The following EPB41L2 variants were observed in gnomAD, a reference collection of about 807,000 sequenced individuals.
EPB41L2 encodes band 4.1-like protein 2.
Under a neutral mutation model 113.0 loss-of-function variants are expected in EPB41L2, and 43 were observed. That is an observed-to-expected ratio of 0.38 (90% CI 0.30 to 0.49). The LOEUF (loss-of-function observed/expected upper bound fraction) is 0.49. EPB41L2 is among the 20% of genes least tolerant of loss of function. The probability of loss-of-function intolerance (pLI) is 0.95; values close to 1 mark genes in which losing one functional copy is unlikely to be tolerated. For missense variants in EPB41L2, 1,147 were observed against 1,223.4 expected (o/e 0.94, Z 0.93); for synonymous variants, 442 against 436.7 (o/e 1.01, Z -0.15).
At chr6:131,052,262 A>T (rs1441299660) in intron 1 of EPB41L2, among the ~76,000 whole-genome samples, 1 of 152,132 alleles carries the variant, frequency 6.6e-6, no homozygotes, top group African/African-American at 2.4e-5. Flanking sequence ...AATGGCCAAG[A>T]TCCAAAAACA....
chr6:130,945,009 A>G (rs149515571), intron 3 of EPB41L2, among the ~76,000 whole-genome samples: 1 of 152,338 alleles, frequency 6.6e-6, no homozygotes, highest in African/African-American at 2.4e-5. Flanking sequence ...GTTTTAAGCT[A>G]AAAGGATAAA....
At chr6:130,920,206 A>G (rs1209210269) in intron 4 of EPB41L2, among the ~76,000 whole-genome samples, 1 of 152,214 alleles carries the variant, frequency 6.6e-6, no homozygotes, top group African/African-American at 2.4e-5. Context: ...ACCACTGTGC[A>G]ATATGATAGC....
intron 8 of EPB41L2, among the ~76,000 whole-genome samples, chr6:130,899,132 G>A (rs1351144140): frequency 6.6e-6 from 1 of 151,868 alleles, no homozygotes. Context: ...CCTCTCCCAA[G>A]ACAGAGGTGG....
chr6:131,060,175 T>C (rs958641428), intron 1 of EPB41L2, among the ~76,000 whole-genome samples: 1 of 152,402 alleles, frequency 6.6e-6, no homozygotes, highest in Admixed American at 6.5e-5. Context: ...TTTGTATTTT[T>C]AGTAGAGACA....
At chr6:130,997,261 A>G (rs1392743973) in intron 1 of EPB41L2, among the ~76,000 whole-genome samples, 1 of 152,232 alleles carries the variant, frequency 6.6e-6, no homozygotes, top group Non-Finnish European at 1.5e-5. Flanking sequence ...GATTAAAGCC[A>G]CTTAGCAAAT....
intron 1 of EPB41L2, among the ~76,000 whole-genome samples, chr6:131,034,465 G>A (rs542304174): frequency 1.3e-5 from 2 of 152,230 alleles, no homozygotes; most frequent in Non-Finnish European, 2.9e-5. Context: ...AAAATTAGCC[G>A]GGGCTACAGT....
At chr6:131,006,553 C>G (rs1785577614) in intron 1 of EPB41L2, among the ~76,000 whole-genome samples, 1 of 151,406 alleles carries the variant, frequency 6.6e-6, no homozygotes, top group Non-Finnish European at 1.5e-5. Context: ...GCCTGTATTT[C>G]CAGCTACTCA....
chr6:130,972,548 G>GT (rs201920325), intron 1 of EPB41L2, among the ~76,000 whole-genome samples: 6,370 of 146,424 alleles, frequency 0.044, 267 homozygotes, highest in African/African-American at 0.11. Context: ...TAAATTCTGG[G>GT]TTTTTTTTTT....
intron 8 of EPB41L2, among the ~76,000 whole-genome samples, chr6:130,897,976 G>A (rs1400407884): frequency 6.6e-6 from 1 of 151,284 alleles, no homozygotes; most frequent in African/African-American, 2.4e-5. Flanking sequence ...AAATGATGCT[G>A]CCAGAGACTA....
At chr6:130,998,105 T>C (rs1357432539) in intron 1 of EPB41L2, among the ~76,000 whole-genome samples, 3 of 152,196 alleles carry the variant, frequency 2.0e-5, no homozygotes, top group Non-Finnish European at 4.4e-5. Flanking sequence ...CTATGAGAAA[T>C]GTACTACCAA....
At chr6:130,896,791 C>A (rs537439997) in intron 8 of EPB41L2, among the ~76,000 whole-genome samples, 4 of 152,282 alleles carry the variant, frequency 2.6e-5, no homozygotes, top group Non-Finnish European at 5.9e-5. Flanking sequence ...GAAAGGAGCA[C>A]CTTCTCTGCA....
chr6:131,060,088 T>C (rs1798363370), intron 1 of EPB41L2, among the ~76,000 whole-genome samples: 1 of 152,202 alleles, frequency 6.6e-6, no homozygotes, highest in African/African-American at 2.4e-5. Flanking sequence ...AACAGGCTAC[T>C]TCAGTTCAAA....
At chr6:130,900,731 T>C (rs1393706541) in intron 7 of EPB41L2, among the ~76,000 whole-genome samples, 1 of 152,202 alleles carries the variant, frequency 6.6e-6, no homozygotes, top group Non-Finnish European at 1.5e-5. Flanking sequence ...AGTACATTTT[T>C]CCAATACATG....
At chr6:130,979,853 C>G (rs150273062) in intron 1 of EPB41L2, among the ~76,000 whole-genome samples, 1 of 152,260 alleles carries the variant, frequency 6.6e-6, no homozygotes, top group East Asian at 1.9e-4. Context: ...AATGACAGAG[C>G]CTGGTTTCCA....
At chr6:130,922,568 T>C (rs1177185281) in intron 4 of EPB41L2, among the ~76,000 whole-genome samples, 2 of 152,222 alleles carry the variant, frequency 1.3e-5, no homozygotes, top group East Asian at 3.8e-4. Flanking sequence ...TGACCTTGGG[T>C]GACTTCTTTA....
intron 12 of EPB41L2, chr6:130,880,513 C>T: frequency 1.6e-6 from 1 of 632,722 alleles, no homozygotes; most frequent in Non-Finnish European, 2.8e-6. Flanking sequence ...CAGCAAACGG[C>T]CAGAAAGAAG....
intron 1 of EPB41L2, among the ~76,000 whole-genome samples, chr6:130,987,452 G>A (rs1351636777): frequency 1.3e-5 from 2 of 152,124 alleles, no homozygotes; most frequent in Admixed American, 1.3e-4. Flanking sequence ...CAGCCCTTTG[G>A]GAGGCCAAGA....
chr6:130,968,188 A>G (rs1444240033), intron 1 of EPB41L2, among the ~76,000 whole-genome samples: 1 of 152,216 alleles, frequency 6.6e-6, no homozygotes, highest in Non-Finnish European at 1.5e-5. Flanking sequence ...TTTCCCAAAT[A>G]AGCAAACGAC....
At chr6:130,971,493 A>C (rs1279052703) in intron 1 of EPB41L2, among the ~76,000 whole-genome samples, 11 of 152,192 alleles carry the variant, frequency 7.2e-5, no homozygotes, top group Admixed American at 7.2e-4. Context: ...TTTGAACACA[A>C]GCACTGTGAT....
Sources: allele counts gnomAD v4.1 joint callset (sites outside exome capture counted in the v4.1 genomes callset), GRCh38; gene constraint gnomAD v4.1.1; transcripts MANE v1.5; gene names NCBI Gene and HGNC (gene_info 2026-07-23, HGNC 2026-07-21).